FMN1: variants seen among roughly 807,000 people sequenced by gnomAD.
FMN1 encodes the protein formin 1, also known as formin-1.
Under a neutral mutation model 132.4 loss-of-function variants are expected in FMN1, and 110 were observed. The observed-to-expected ratio is 0.83, with a 90% CI of 0.71 to 0.97. The LOEUF (loss-of-function observed/expected upper bound fraction) is 0.97. Among genes scored for constraint, FMN1 ranks in the 50% least tolerant of loss-of-function variants. The pLI, the probability that FMN1 is intolerant of heterozygous loss-of-function variation, is 0.00. For synonymous variants in FMN1, 722 were observed against 651.7 expected, an observed-to-expected ratio of 1.11 and a Z score of -1.64; for missense variants, 1,792 against 1,705.3, an observed-to-expected ratio of 1.05 and a Z score of -0.90.
chr15:33,162,696 A>T (rs1566961309), intron 3 of FMN1, among the ~76,000 whole-genome samples: 1 of 152,218 alleles, frequency 6.6e-6, no homozygotes, highest in African/African-American at 2.4e-5. Flanking sequence ...GTTCAGCACT[A>T]CTCTTAAAGA....
At chr15:33,073,016 T>C (rs989748014) in intron 5 of FMN1, among the ~76,000 whole-genome samples, 7 of 152,124 alleles carry the variant, frequency 4.6e-5, no homozygotes, top group African/African-American at 1.7e-4. Flanking sequence ...TTATCTCCTA[T>C]AGGCAGTAGA....
intron 6 of FMN1, among the ~76,000 whole-genome samples, chr15:33,019,646 G>A (rs976181340): frequency 1.3e-5 from 2 of 152,214 alleles, no homozygotes; most frequent in Non-Finnish European, 2.9e-5. Context: ...CTAAGCCCCG[G>A]GGACAAATCG....
rs771802180 is a variant in FMN1 at position 32,969,441 on chromosome 15, C to A, written c.2260G>T (p.Glu754Ter). ...FELRAFHIRG[E>*]HAMITARLEE... ...AGTCTCGCTGTTATCATTGCATGCT[C>A]GCCCCGGATATGAAATGCCCGAAGT... The change falls in exon 8 of 21, where the codon GAG becomes TAG. Residue 754 changes from glutamate to a stop codon, truncating the protein, a stop_gained. Transcript: ENST00000616417. LOFTEE classifies it high-confidence loss of function. 1 of 1,613,858 alleles carries A rather than the reference C, an allele frequency of 6.2e-7. No homozygotes were observed. Among genetic ancestry groups the A allele is most frequent in the Non-Finnish European group, 8.5e-7 (1 of 1,179,854 alleles).
intron 10 of FMN1, among the ~76,000 whole-genome samples, chr15:32,918,147 T>TA (rs1361753664): frequency 1.3e-5 from 2 of 152,048 alleles, no homozygotes; most frequent in Non-Finnish European, 2.9e-5. Flanking sequence ...TACCTTACCT[T>TA]AAATAAGAAG....
intron 6 of FMN1, among the ~76,000 whole-genome samples, chr15:33,038,818 G>C (rs1200138008): frequency 1.3e-5 from 2 of 152,200 alleles, no homozygotes; most frequent in Non-Finnish European, 2.9e-5. Context: ...TTAAACTAAA[G>C]AGTACTAATG....
chr15:33,132,070 A>C (rs1166271103), intron 4 of FMN1, among the ~76,000 whole-genome samples: 2 of 152,084 alleles, frequency 1.3e-5, no homozygotes, highest in Non-Finnish European at 2.9e-5. Context: ...CAAAGGATCT[A>C]AAATAACATC....
intron 8 of FMN1, among the ~76,000 whole-genome samples, chr15:32,966,623 C>T (rs1238570344): frequency 3.3e-5 from 5 of 151,924 alleles, no homozygotes; most frequent in Admixed American, 3.3e-4. Flanking sequence ...GAAGGCAAAA[C>T]GTCAAAAGAA....
chr15:32,910,837 T>C (rs530013370), intron 10 of FMN1, among the ~76,000 whole-genome samples: 7 of 152,240 alleles, frequency 4.6e-5, no homozygotes, highest in African/African-American at 1.2e-4. Context: ...AATCAGTTTG[T>C]AGGTTTGAAG....
chr15:32,983,998 G>GT (rs555194957), intron 7 of FMN1, among the ~76,000 whole-genome samples: 4 of 152,142 alleles, frequency 2.6e-5, no homozygotes, highest in African/African-American at 4.8e-5. Flanking sequence ...TAGGCACAAT[G>GT]TTATGTTCCA....
chr15:32,801,936 C>T (rs2057495351), intron 18 of FMN1, among the ~76,000 whole-genome samples: 1 of 152,200 alleles, frequency 6.6e-6, no homozygotes, highest in South Asian at 2.1e-4. Context: ...AGACAAAACT[C>T]CATTTTAAAT....
chr15:33,144,064 C>T (rs1032016200), intron 4 of FMN1, among the ~76,000 whole-genome samples: 5 of 152,108 alleles, frequency 3.3e-5, no homozygotes, highest in African/African-American at 4.8e-5. Flanking sequence ...TGTGACTTCA[C>T]GTGATTCAGA....
chr15:32,967,562 C>T (rs1273499353), intron 8 of FMN1, among the ~76,000 whole-genome samples: 5 of 152,188 alleles, frequency 3.3e-5, no homozygotes, highest in Non-Finnish European at 5.9e-5. Flanking sequence ...GAAGCTATTA[C>T]AGGATCATCT....
At chr15:32,986,866 T>C (rs1400519867) in intron 7 of FMN1, among the ~76,000 whole-genome samples, 1 of 152,176 alleles carries the variant, frequency 6.6e-6, no homozygotes. Context: ...AAAGAATAAT[T>C]GTTATAAGAA....
At chr15:33,139,814 C>T (rs1963932283) in intron 4 of FMN1, among the ~76,000 whole-genome samples, 1 of 152,116 alleles carries the variant, frequency 6.6e-6, no homozygotes, top group African/African-American at 2.4e-5. Flanking sequence ...AACATGAAGA[C>T]ACAGAGCCAA....
At chr15:32,947,691 A>G (rs2061539042) in intron 9 of FMN1, among the ~76,000 whole-genome samples, 2 of 152,070 alleles carry the variant, frequency 1.3e-5, no homozygotes, top group South Asian at 4.1e-4. Flanking sequence ...TGCTTTCAAT[A>G]AAGTTGAATA....
At chr15:32,975,315 G>T (rs894744760) in intron 7 of FMN1, among the ~76,000 whole-genome samples, 3 of 152,154 alleles carry the variant, frequency 2.0e-5, no homozygotes, top group African/African-American at 7.2e-5. Context: ...AACCTCCAGA[G>T]CATCACACAC....
In FMN1 at chr15:32,954,244, A is replaced by G. The variant is rs74679144; in HGVS notation, c.3138+9863T>C. Reference sequence around the variant, plus strand: ...TATACCTTACATTTGGGGGATTATTAAAATCAGAACAATTATTTCCTGAAC... The same window carrying G: ...TATACCTTACATTTGGGGGATTATTGAAATCAGAACAATTATTTCCTGAAC... On this transcript the variant is annotated intron_variant, in intron 9 of 20. Coordinates refer to ENST00000616417, the MANE Select transcript of FMN1 (RefSeq NM_001277313.2). 6.8e-3 allele frequency among the ~76,000 whole-genome samples: 1,043 copies of G among 152,314 alleles called. 18 individuals are homozygous for G. The highest frequency in any genetic ancestry group is 0.024 in the African/African-American group (997 of 41,580).
At chr15:33,027,315 GAAT>G (rs59381327) in intron 6 of FMN1, among the ~76,000 whole-genome samples, 5,105 of 152,086 alleles carry the variant, frequency 0.034, 301 homozygotes, top group African/African-American at 0.12. Flanking sequence ...GTAAACTTCA[GAAT>G]AATAACAGAT....
At chr15:32,910,823 A>G (rs2060543243) in intron 10 of FMN1, among the ~76,000 whole-genome samples, 1 of 152,208 alleles carries the variant, frequency 6.6e-6, no homozygotes, top group Non-Finnish European at 1.5e-5. Context: ...GTGCTTTAAA[A>G]CTAAATCAGT....
Sources: gnomAD v4.1 joint callset for allele counts (sites outside exome capture counted in the v4.1 genomes callset) on GRCh38, gnomAD v4.1.1 for gene constraint, MANE v1.5 for transcripts, NCBI Gene and HGNC (gene_info 2026-07-23, HGNC 2026-07-21) for gene names.